The following PRELID2 variants were observed in gnomAD, a reference collection of about 807,000 sequenced individuals.
PRELID2 encodes PRELI domain-containing protein 2.
A neutral mutation model predicts 28.4 loss-of-function variants in PRELID2; 25 were observed. The observed-to-expected ratio is 0.88, with a 90% CI of 0.64 to 1.23. PRELID2 has a LOEUF of 1.23. Ranked by LOEUF, PRELID2 falls within the 50% of genes most tolerant of loss-of-function variation. The pLI is 0.00. For synonymous variants in PRELID2, 76 were observed against 71.6 expected, an observed-to-expected ratio of 1.06 and a Z score of -0.31; for missense variants, 201 against 214.4, an observed-to-expected ratio of 0.94 and a Z score of 0.39.
At chr5:145,274,403 A>G in the PRELID2 span, among the ~76,000 whole-genome samples, 1 of 152,184 alleles carries the variant, frequency 6.6e-6, no homozygotes, top group Non-Finnish European at 1.5e-5. Context: ...GACATTATGC[A>G]TCAGAAAAGA....
the PRELID2 span, among the ~76,000 whole-genome samples, chr5:145,368,284 C>G: frequency 1.3e-5 from 2 of 151,798 alleles, no homozygotes; most frequent in Admixed American, 6.6e-5. Context: ...TGTTACGGCT[C>G]TAAAGCCACC....
At chr5:145,682,510 C>T (rs1254763856) in intron 1 of PRELID2, among the ~76,000 whole-genome samples, 3 of 152,118 alleles carry the variant, frequency 2.0e-5, no homozygotes, top group African/African-American at 7.2e-5. Context: ...GCTGCCACTT[C>T]GCCCAGATGT....
the PRELID2 span, among the ~76,000 whole-genome samples, chr5:145,236,277 T>C: frequency 1.3e-5 from 2 of 152,118 alleles, no homozygotes; most frequent in Non-Finnish European, 2.9e-5. Flanking sequence ...GGAGTATACA[T>C]CCTGTAAAGG....
the PRELID2 span, among the ~76,000 whole-genome samples, chr5:145,425,821 C>A: frequency 3.3e-5 from 5 of 151,758 alleles, no homozygotes; most frequent in Non-Finnish European, 7.4e-5. Context: ...GCACATCCTG[C>A]ACATATATGC....
At chr5:145,616,233 T>G (rs961935640) in intron 1 of PRELID2, among the ~76,000 whole-genome samples, 3 of 152,242 alleles carry the variant, frequency 2.0e-5, no homozygotes, top group Non-Finnish European at 2.9e-5. Context: ...ATGATCTTTT[T>G]GTGATGGGTC....
chr5:145,649,377 A>G (rs770411829), intron 1 of PRELID2, among the ~76,000 whole-genome samples: 10 of 152,232 alleles, frequency 6.6e-5, no homozygotes, highest in Admixed American at 3.3e-4. Flanking sequence ...ATACTTTATT[A>G]TAAAATAGGC....
At chr5:145,516,527 A>G (rs577023579) in intron 1 of PRELID2, among the ~76,000 whole-genome samples, 1 of 152,334 alleles carries the variant, frequency 6.6e-6, no homozygotes, top group Admixed American at 6.5e-5. Context: ...GCTCATGGAC[A>G]GGAAGAATCA....
downstream of PRELID2, among the ~76,000 whole-genome samples, chr5:145,470,177 A>C (rs545300674): frequency 6.6e-6 from 1 of 152,210 alleles, no homozygotes; most frequent in East Asian, 1.9e-4. Context: ...CCAGATAGTA[A>C]ATATTTTAGG....
the PRELID2 span, among the ~76,000 whole-genome samples, chr5:145,465,415 C>A: frequency 1.3e-5 from 2 of 152,050 alleles, no homozygotes; most frequent in Non-Finnish European, 2.9e-5. Flanking sequence ...GCAATGAATT[C>A]CATTGTGTGA....
chr5:145,401,543 C>G, the PRELID2 span, among the ~76,000 whole-genome samples: 1 of 152,084 alleles, frequency 6.6e-6, no homozygotes, highest in South Asian at 2.1e-4. Flanking sequence ...TTTAGTGTAA[C>G]AAGCTCACCT....
the PRELID2 span, among the ~76,000 whole-genome samples, chr5:145,264,196 A>G: frequency 6.6e-6 from 1 of 152,206 alleles, no homozygotes; most frequent in African/African-American, 2.4e-5. Flanking sequence ...ACATAACAAA[A>G]AAAACAAAAC....
chr5:145,250,304 T>C, the PRELID2 span, among the ~76,000 whole-genome samples: 3 of 152,118 alleles, frequency 2.0e-5, no homozygotes, highest in African/African-American at 7.2e-5. Context: ...TCTGAGTTGA[T>C]GAGTATTTTA....
chr5:145,469,850 T>C (rs1023182997), downstream of PRELID2, among the ~76,000 whole-genome samples: 6 of 152,128 alleles, frequency 3.9e-5, no homozygotes, highest in Non-Finnish European at 8.8e-5. Context: ...TCTTTGGTAT[T>C]GAGAAATTTC....
rs566933695 is a variant in PRELID2 at position 145,596,268 on chromosome 5, C to T, written n.71-122953G>A. 3.9e-5 allele frequency among the ~76,000 whole-genome samples: 6 copies of T among 152,156 alleles called. No individual in the cohort carries two copies. The East Asian group carries it at 1.2e-3, about 29-fold the overall frequency. On this transcript the variant is annotated intron_variant and non_coding_transcript_variant, in intron 1 of 2. Transcript: ENST00000510259. ...ATTTATTCAGCTAGCTCTGACTCTC[C>T]TCTCCAATTAAGTTTATCAGAAGGG... is the stretch of plus-strand genomic sequence containing the variant.
chr5:145,821,152 G>GTGTGTGTGTGTGTGTGTGTGTGT (rs1754761991), intron 2 of PRELID2, among the ~76,000 whole-genome samples: 1 of 88,192 alleles, frequency 1.1e-5, no homozygotes, highest in East Asian at 2.8e-4. Context: ...AACTCTCCTG[G>GTGTGTGTGTGTGTGTGTGTGTGT]GTGTGTGTGT....
At chr5:145,699,299 C>T (rs191396453) in intron 1 of PRELID2, among the ~76,000 whole-genome samples, 49 of 152,104 alleles carry the variant, frequency 3.2e-4, no homozygotes, top group Non-Finnish European at 6.2e-4. Flanking sequence ...CATGTCAGAA[C>T]GCTGAGGATT....
At chr5:145,345,572 A>G in the PRELID2 span, among the ~76,000 whole-genome samples, 1 of 152,116 alleles carries the variant, frequency 6.6e-6, no homozygotes, top group Non-Finnish European at 1.5e-5. Flanking sequence ...TATAATATCC[A>G]AGTAAAATAA....
chr5:145,802,050 C>T (rs1322144760), intron 4 of PRELID2, among the ~76,000 whole-genome samples: 1 of 152,174 alleles, frequency 6.6e-6, no homozygotes, highest in Non-Finnish European at 1.5e-5. Context: ...CATGTCACTG[C>T]CTATTAAGGC....
intron 1 of PRELID2, among the ~76,000 whole-genome samples, chr5:145,612,564 A>G (rs1352164805): frequency 6.6e-6 from 1 of 152,116 alleles, no homozygotes; most frequent in Admixed American, 6.5e-5. Flanking sequence ...CCATCACCCA[A>G]GCAGTATACA....
Sources: gnomAD v4.1 joint callset for allele counts (sites outside exome capture counted in the v4.1 genomes callset) on GRCh38, gnomAD v4.1.1 for gene constraint, MANE v1.5 for transcripts, NCBI Gene and HGNC (gene_info 2026-07-23, HGNC 2026-07-21) for gene names.